The following ZNF777 variants were observed in gnomAD, a reference collection of about 807,000 sequenced individuals.
ZNF777 encodes zinc finger protein 777.
A neutral mutation model predicts 72.1 loss-of-function variants in ZNF777; 7 were observed. That is an observed-to-expected ratio of 0.10 (90% CI 0.06 to 0.18). ZNF777 has a LOEUF of 0.18. Among genes scored for constraint, ZNF777 ranks in the 10% least tolerant of loss-of-function variants. The pLI, the probability that ZNF777 is intolerant of heterozygous loss-of-function variation, is 1.00. For synonymous variants in ZNF777, 545 were observed against 483.5 expected, an observed-to-expected ratio of 1.13 and a Z score of -1.67; for missense variants, 828 against 1,128.6, an observed-to-expected ratio of 0.73 and a Z score of 3.82.
chr7:149,446,268 G>A (rs962083695), intron 4 of ZNF777, among the ~76,000 whole-genome samples: 15 of 151,936 alleles, frequency 9.9e-5, no homozygotes, highest in African/African-American at 3.6e-4. Context: ...CCCAGCTACT[G>A]GGGAGGCCGA....
rs752827429 is a variant in ZNF777, at chr7:149,451,018, C to T, written c.1068G>A (p.Thr356=). The change falls in exon 4 of 6, where the codon ACG becomes ACA. Residue 356 remains threonine, a synonymous_variant. Coordinates refer to ENST00000247930, the MANE Select transcript of ZNF777 (RefSeq NM_015694.3). ...QEQEDSEEGE[T]PTDPSAAHDG... is the part of the protein sequence containing the mutation. ...ACTCACCAGCACTGGGATCTGTCGG[C>T]GTTTCGCCCTCCTCAGAGTCTTCCT... 5.0e-6 allele frequency: 8 copies of T among 1,613,680 alleles called. No homozygotes were observed. Among genetic ancestry groups the T allele is most frequent in the African/African-American group, 1.3e-5 (1 of 74,932 alleles).
intron 3 of ZNF777, among the ~76,000 whole-genome samples, chr7:149,451,739 C>G (rs777820431): frequency 3.9e-5 from 6 of 152,062 alleles, no homozygotes; most frequent in Non-Finnish European, 7.4e-5. Flanking sequence ...ATCTAAAAGC[C>G]ATAAAATATC....
rs201914739 is a variant in ZNF777 at position 149,451,070 on chromosome 7, C to T, written c.1016G>A (p.Arg339His). The T allele has an allele frequency of 1.4e-3, 2,190 of 1,613,868 alleles. 1 individual carries two copies. Among genetic ancestry groups the T allele is most frequent in the Non-Finnish European group, 1.6e-3 (1,927 of 1,180,042 alleles). Residue 339 changes from arginine (R) to histidine (H), a missense_variant, in exon 4 of 6, where the codon CGC becomes CAC. This residue lies in a region of ZNF777 where 73 missense variants were observed against 90.6 expected (regional missense o/e 0.81). Coordinates refer to ENST00000247930, the MANE Select transcript of ZNF777 (RefSeq NM_015694.3). ...CTCCTGCATGGTGGGCCGCTCCCCG[C>T]GCTCCATCTGTGACATGAGGTCTGG... ...SKPDLMSQME[R>H]GERPTMQEQE...
At position 149,455,592 on chromosome 7, in the gene ZNF777, G is replaced by A. The variant is rs1281840341; in HGVS notation, c.431C>T (p.Pro144Leu). Residue 144 changes from proline to leucine, a missense_variant, in exon 2 of 6, where the codon CCA becomes CTA. By Grantham distance (98) the Pro-to-Leu change is moderately conservative. Around this residue, in one of 12 missense-constraint regions of ZNF777, gnomAD observed 222 missense variants for 211.2 expected, o/e 1.05. Coordinates refer to ENST00000247930, the MANE Select transcript of ZNF777 (RefSeq NM_015694.3). This position sits in a 1 kb window ranked among gnomAD's most constrained non-coding sequence, Gnocchi z 4.2. ...GTCCATGTCAGTCTCGGGAACTGTTGGGGAAAGGGTCAGGGGGTCTTTCTC... is the reference window on the plus strand; with the variant it reads ...GTCCATGTCAGTCTCGGGAACTGTTAGGGAAAGGGTCAGGGGGTCTTTCTC... ...APEKDPLTLS[P>L]TVPETDMDPL... 3.1e-6 allele frequency: 5 copies of A among 1,613,138 alleles called. No homozygotes were observed. In the African/African-American group the frequency reaches 6.7e-5, roughly 22 times the overall value.
chr7:149,456,791 G>C (rs1020189339), intron 1 of ZNF777, among the ~76,000 whole-genome samples: 1 of 152,188 alleles, frequency 6.6e-6, no homozygotes, highest in Non-Finnish European at 1.5e-5. Context: ...TCATATCAAT[G>C]AGTCAGTATG....
In ZNF777 at chr7:149,431,423, A is replaced by G; in HGVS notation, c.*353T>C. ...ACCACAGTATCCAAAAGGTAATTAT[A>G]AAGTTCTATCCCCAACTAGATGGGC... On this transcript the variant is annotated 3_prime_UTR_variant, in exon 6 of 6. Transcript: ENST00000247930. 1 of 423,956 alleles carries G rather than the reference A, an allele frequency of 2.4e-6. No individual in the cohort carries two copies. The allele number at this position is 423,956 out of a possible 1,614,324, so 26.3% of individuals were successfully genotyped here.
intron 4 of ZNF777, among the ~76,000 whole-genome samples, chr7:149,438,041 G>T (rs531164442): frequency 6.6e-6 from 1 of 151,658 alleles, no homozygotes; most frequent in African/African-American, 2.4e-5. Flanking sequence ...CACCACACCC[G>T]GCTAATTTTT....
chr7:149,445,681 C>T (rs1042681846), intron 4 of ZNF777, among the ~76,000 whole-genome samples: 1 of 152,138 alleles, frequency 6.6e-6, no homozygotes, highest in African/African-American at 2.4e-5. Context: ...CAATATGGTG[C>T]CCCACCCTCA....
rs1370819388 is a variant in ZNF777, at chr7:149,432,929, C to T, written c.1343G>A (p.Gly448Glu). ...TTGTTCCTCTGTCTTGATCACGATC[C>T]CCTCTGCTCCAGGGACAGAGAGAGA... The part of the protein sequence containing the change: ...MLVQQRNCTE[G>E]IVIKTEEQDE... The change falls in exon 6 of 6, where the codon GGG (glycine) becomes GAG (glutamate). Residue 448 changes from glycine to glutamate, a missense_variant. Physicochemically the swap from Gly to Glu is moderately conservative, Grantham distance 98. Coordinates refer to ENST00000247930, the MANE Select transcript of ZNF777 (RefSeq NM_015694.3). The T allele has an allele frequency of 5.4e-6, 8 of 1,470,260 alleles. No homozygotes were observed. Among genetic ancestry groups the T allele is most frequent in the Non-Finnish European group, 7.2e-6 (8 of 1,109,382 alleles). The allele number at this position is 1,470,260 out of a possible 1,614,324, so 91.1% of individuals were successfully genotyped here.
chr7:149,450,841 G>T (rs914194862), intron 4 of ZNF777, among the ~76,000 whole-genome samples, 158 bp downstream of exon 4: 1 of 152,206 alleles, frequency 6.6e-6, no homozygotes, highest in African/African-American at 2.4e-5. Context: ...GGCCACTGGT[G>T]ATCATGGCAC....
At chr7:149,445,905 G>A (rs1030280815) in intron 4 of ZNF777, among the ~76,000 whole-genome samples, 3 of 152,170 alleles carry the variant, frequency 2.0e-5, no homozygotes, top group Non-Finnish European at 4.4e-5. Flanking sequence ...GGGATCCCTA[G>A]AGTCTCTGGT....
intron 4 of ZNF777, among the ~76,000 whole-genome samples, chr7:149,444,066 C>A (rs1799567650): frequency 6.6e-6 from 1 of 152,186 alleles, no homozygotes; most frequent in Admixed American, 6.5e-5. Context: ...CATCCATTGA[C>A]TTCCAAGGGA....
Position 149,432,097 on chromosome 7 carries a change from G to A in ZNF777, c.2175C>T (p.Pro725=), listed in dbSNP as rs546259007. 6.9e-6 allele frequency: 11 copies of A among 1,605,228 alleles called. No homozygotes were observed. The South Asian group carries it at 1.2e-4, about 18-fold the overall frequency. Residue 725 remains proline, a synonymous_variant, in exon 6 of 6, where the codon CCC becomes CCT. Transcript: ENST00000247930. ...TCTCGCTGAAGCTCTTCTCGCACTC[G>A]GGGCACTTGAAGGGCCGCTCGCCTG... ...THTGERPFKC[P]ECEKSFSEKS...
chr7:149,447,497 C>A (rs1474012541), intron 4 of ZNF777, among the ~76,000 whole-genome samples: 1 of 152,180 alleles, frequency 6.6e-6, no homozygotes, highest in African/African-American at 2.4e-5. Context: ...GGCCTGGGGG[C>A]CACCCTTAGC....
chr7:149,460,033 G>A lies in ZNF777; in HGVS notation c.-16+782C>T, dbSNP rs1799916168. On this transcript the variant is annotated intron_variant, in intron 1 of 5. Transcript: ENST00000247930. The surrounding 1 kb of genome is among the most constrained non-coding windows in gnomAD (Gnocchi z 6.1). ...TCGTAGCGTTTCTGCCCCTTACCGA[G>A]ATCCCAGGCCGGGCCGCCGAGCCCG... 1.0e-6 allele frequency: 1 copy of A among 981,498 alleles called. No homozygotes were observed. The highest frequency in any genetic ancestry group is 6.2e-5 in the Admixed American group (1 of 16,054). The allele number at this position is 981,498 out of a possible 1,614,324, so 60.8% of individuals were successfully genotyped here.
chr7:149,450,524 C>G (rs1799693284), intron 4 of ZNF777, among the ~76,000 whole-genome samples: 1 of 152,220 alleles, frequency 6.6e-6, no homozygotes, highest in South Asian at 2.1e-4. Context: ...GGCCTCTGGT[C>G]AGTCTCGCTG....
chr7:149,440,896 C>G (rs567061581), intron 4 of ZNF777, among the ~76,000 whole-genome samples: 1 of 151,982 alleles, frequency 6.6e-6, no homozygotes, highest in South Asian at 2.1e-4. Flanking sequence ...GCCTTCAATA[C>G]CTGGCCCTAC....
At chr7:149,449,551 T>C (rs1477215113) in intron 4 of ZNF777, among the ~76,000 whole-genome samples, 1 of 152,166 alleles carries the variant, frequency 6.6e-6, no homozygotes, top group Non-Finnish European at 1.5e-5. Context: ...GCAGATTGTA[T>C]TTTAGGATTT....
chr7:149,459,182 C>T (rs111506188), intron 1 of ZNF777, among the ~76,000 whole-genome samples: 68 of 152,226 alleles, frequency 4.5e-4, no homozygotes, highest in African/African-American at 1.6e-3. Context: ...AGCTATATAT[C>T]CTGCCTCCTT....
Sources: allele counts gnomAD v4.1 joint callset (sites outside exome capture counted in the v4.1 genomes callset), GRCh38; gene constraint gnomAD v4.1.1; regional missense constraint gnomAD v4.1.1; non-coding constraint Gnocchi (gnomAD v3.1); transcripts MANE v1.5; gene names NCBI Gene and HGNC (gene_info 2026-07-23, HGNC 2026-07-21).